DGKI: variants seen among roughly 807,000 people sequenced by gnomAD.
DGKI encodes the protein diacylglycerol kinase iota.
Under a neutral mutation model 147.5 loss-of-function variants are expected in DGKI, and 55 were observed. That is an observed-to-expected ratio of 0.37 (90% CI 0.30 to 0.47). The LOEUF (loss-of-function observed/expected upper bound fraction) is 0.47. Among genes scored for constraint, DGKI ranks in the 20% least tolerant of loss-of-function variants. The pLI, the probability that DGKI is intolerant of heterozygous loss-of-function variation, is 1.00. For missense variants in DGKI, 1,007 were observed against 1,323.8 expected (o/e 0.76, Z 3.71); for synonymous variants, 469 against 477.1 (o/e 0.98, Z 0.22).
chr7:137,564,156 T>G (rs1419750779), intron 19 of DGKI, among the ~76,000 whole-genome samples: 1 of 152,170 alleles, frequency 6.6e-6, no homozygotes, highest in Non-Finnish European at 1.5e-5. Flanking sequence ...CAACAAATAG[T>G]GCTGGAAAAA....
intron 28 of DGKI, among the ~76,000 whole-genome samples, chr7:137,425,240 C>T (rs1466901661): frequency 6.6e-6 from 1 of 152,166 alleles, no homozygotes; most frequent in African/African-American, 2.4e-5. Flanking sequence ...TTGTGGTTCA[C>T]GAAAATCTGC....
intron 6 of DGKI, among the ~76,000 whole-genome samples, chr7:137,639,963 A>G (rs186033014): frequency 1.3e-5 from 2 of 151,934 alleles, no homozygotes; most frequent in Admixed American, 1.3e-4. Flanking sequence ...AAGCATATCC[A>G]TTACTCCAAA....
intron 1 of DGKI, among the ~76,000 whole-genome samples, chr7:137,788,874 C>G (rs1483133918): frequency 6.6e-6 from 1 of 152,148 alleles, no homozygotes; most frequent in Admixed American, 6.6e-5. Context: ...GTGCCCTTCC[C>G]TGTGCTGCCC....
intron 2 of DGKI, among the ~76,000 whole-genome samples, chr7:137,689,520 A>C (rs960650153): frequency 1.3e-5 from 2 of 152,236 alleles, no homozygotes; most frequent in African/African-American, 4.8e-5. Context: ...AGCACCCAGA[A>C]AAACTCAGCT....
intron 2 of DGKI, among the ~76,000 whole-genome samples, chr7:137,684,947 G>C (rs139058618): frequency 6.6e-6 from 1 of 152,086 alleles, no homozygotes; most frequent in South Asian, 2.1e-4. Context: ...GCACAAACAC[G>C]CATGCACACA....
At chr7:137,498,735 GCCC>G (rs1816060674) in intron 21 of DGKI, among the ~76,000 whole-genome samples, 2 of 152,132 alleles carry the variant, frequency 1.3e-5, no homozygotes, top group African/African-American at 4.8e-5. Context: ...TGGGTTATCT[GCCC>G]CAATAAAGTT....
intron 28 of DGKI, among the ~76,000 whole-genome samples, chr7:137,421,683 T>C (rs1018764551): frequency 6.6e-6 from 1 of 152,228 alleles, no homozygotes; most frequent in Non-Finnish European, 1.5e-5. Context: ...AATTGTTTAA[T>C]TGTTTCACAT....
At chr7:137,464,101 C>T (rs1005834685) in intron 26 of DGKI, among the ~76,000 whole-genome samples, 4 of 151,514 alleles carry the variant, frequency 2.6e-5, no homozygotes, top group Admixed American at 6.6e-5. Flanking sequence ...AACGACCATA[C>T]AAAAAATTAG....
At chr7:137,468,438 C>T (rs1000117262) in intron 24 of DGKI, among the ~76,000 whole-genome samples, 6 of 152,152 alleles carry the variant, frequency 3.9e-5, no homozygotes, top group African/African-American at 1.4e-4. Flanking sequence ...ACAAGTTGTT[C>T]CTCTGCAAAT....
At chr7:137,488,817 G>C (rs962539113) in intron 21 of DGKI, among the ~76,000 whole-genome samples, 3 of 152,046 alleles carry the variant, frequency 2.0e-5, no homozygotes, top group African/African-American at 7.2e-5. Flanking sequence ...TAGTAGAGAA[G>C]GCATATATAT....
intron 1 of DGKI, among the ~76,000 whole-genome samples, chr7:137,793,868 C>T (rs1796943978): frequency 6.6e-6 from 1 of 152,154 alleles, no homozygotes; most frequent in South Asian, 2.1e-4. Context: ...AATTAGTCCC[C>T]TTCCATTCCC....
At chr7:137,503,966 G>C (rs906410458) in intron 21 of DGKI, among the ~76,000 whole-genome samples, 7 of 152,078 alleles carry the variant, frequency 4.6e-5, no homozygotes, top group Non-Finnish European at 7.4e-5. Flanking sequence ...ATAATGTGTT[G>C]TGCCAAAGTC....
At chr7:137,551,411 T>C (rs1563080853) in intron 20 of DGKI, among the ~76,000 whole-genome samples, 4 of 152,140 alleles carry the variant, frequency 2.6e-5, no homozygotes, top group African/African-American at 9.7e-5. Flanking sequence ...GCCCTTGCTT[T>C]ACAGGCACCA....
intron 3 of DGKI, among the ~76,000 whole-genome samples, chr7:137,669,828 A>G (rs1449559434): frequency 6.6e-6 from 1 of 152,056 alleles, no homozygotes; most frequent in East Asian, 1.9e-4. Context: ...GAACAACCCA[A>G]CCCAATGTGA....
rs569785976 is a variant in DGKI at position 137,756,689 on chromosome 7, G to A, written c.402-66687C>T. On this transcript the variant is annotated intron_variant, in intron 1 of 32. Coordinates refer to ENST00000614521, the MANE Select transcript of DGKI (RefSeq NM_001321708.2). ...CTTCATCCATATCTACGATCTAAAA[G>A]ACTAAGTATTTTGACTTGTGGGTTT... Among the ~76,000 whole-genome samples the A allele has an allele frequency of 1.4e-4, 21 of 152,188 alleles. No homozygotes were observed. The South Asian group carries it at 4.1e-3, about 30-fold the overall frequency.
At chr7:137,774,204 T>C (rs984975068) in intron 1 of DGKI, among the ~76,000 whole-genome samples, 1 of 152,256 alleles carries the variant, frequency 6.6e-6, no homozygotes, top group Admixed American at 6.5e-5. Flanking sequence ...AAAAAGAAGT[T>C]ATGGTCATAA....
At chr7:137,793,008 T>C (rs995651550) in intron 1 of DGKI, among the ~76,000 whole-genome samples, 1 of 152,266 alleles carries the variant, frequency 6.6e-6, no homozygotes, top group African/African-American at 2.4e-5. Flanking sequence ...CATTTAATTC[T>C]CACCATTGTC....
chr7:137,756,579 C>T (rs1022174809), intron 1 of DGKI, among the ~76,000 whole-genome samples: 3 of 152,130 alleles, frequency 2.0e-5, no homozygotes, highest in South Asian at 4.1e-4. Flanking sequence ...ACAAAGAAGC[C>T]ATTCAGTAAA....
intron 1 of DGKI, among the ~76,000 whole-genome samples, chr7:137,698,055 G>C (rs1039627146): frequency 6.7e-6 from 1 of 149,870 alleles, no homozygotes. Context: ...GATATATATA[G>C]ATATCTATAT....
Sources: gnomAD v4.1 joint callset for allele counts (sites outside exome capture counted in the v4.1 genomes callset) on GRCh38, gnomAD v4.1.1 for gene constraint, MANE v1.5 for transcripts, NCBI Gene and HGNC (gene_info 2026-07-23, HGNC 2026-07-21) for gene names.